PDE3B: variants seen among roughly 807,000 people sequenced by gnomAD.
The protein encoded by PDE3B is cGMP-inhibited 3',5'-cyclic phosphodiesterase 3B.
A neutral mutation model predicts 116.8 loss-of-function variants in PDE3B; 66 were observed. That is an observed-to-expected ratio of 0.56 (90% CI 0.46 to 0.69). The LOEUF is 0.69. PDE3B is among the 30% of genes least tolerant of loss of function. PDE3B has a pLI of 0.00. For synonymous variants in PDE3B, 595 were observed against 533.6 expected (o/e 1.12, Z -1.59); for missense variants, 1,384 against 1,368.1 (o/e 1.01, Z -0.18).
chr11:14,747,175 G>A (rs1429751362), intron 1 of PDE3B, among the ~76,000 whole-genome samples: 1 of 152,152 alleles, frequency 6.6e-6, no homozygotes, highest in Non-Finnish European at 1.5e-5. Context: ...TCACCAAGGG[G>A]ATGATGCTAA....
intron 12 of PDE3B, among the ~76,000 whole-genome samples, chr11:14,845,650 T>C (rs1358206620): frequency 1.3e-5 from 2 of 152,108 alleles, no homozygotes. Flanking sequence ...TTAAAGGAGC[T>C]GATGGAGCTG....
At chr11:14,671,462 A>G (rs745484365) in intron 1 of PDE3B, among the ~76,000 whole-genome samples, 1 of 152,152 alleles carries the variant, frequency 6.6e-6, no homozygotes, top group Admixed American at 6.5e-5. Context: ...AGTGGTAAGA[A>G]CAGTGTGGAT....
the PDE3B span, chr11:14,892,326 C>T: frequency 1.0e-6 from 1 of 955,004 alleles, no homozygotes; most frequent in Non-Finnish European, 1.6e-6. Flanking sequence ...TGGCCATTGG[C>T]TGACTGAGTG....
rs548675032 is a variant in PDE3B at position 14,759,125 on chromosome 11, A to G, written c.979-12812A>G. Among the ~76,000 whole-genome samples, 6 of 152,192 alleles carry G rather than the reference A, an allele frequency of 3.9e-5. No individual in the cohort carries two copies. In the East Asian group the frequency reaches 5.8e-4, roughly 15 times the overall value. ...GCATCCCAGGGATGAAGCCCACTTG[A>G]TCATGGTGGATAAGCTTTTTGATGT... On this transcript the variant is annotated intron_variant, in intron 1 of 15. Transcript: ENST00000282096.
chr11:14,658,557 A>T (rs1270091931), intron 1 of PDE3B, among the ~76,000 whole-genome samples: 1 of 152,162 alleles, frequency 6.6e-6, no homozygotes, highest in Non-Finnish European at 1.5e-5. Context: ...GGGTTTTGCC[A>T]TGTTGGCCAG....
intron 1 of PDE3B, among the ~76,000 whole-genome samples, chr11:14,705,742 T>C (rs72869738): frequency 4.3e-4 from 65 of 151,942 alleles, no homozygotes; most frequent in Non-Finnish European, 7.4e-4. Flanking sequence ...ATGTTTATTG[T>C]TGAATGTGGG....
chr11:14,645,353 G>T (rs991190400), intron 1 of PDE3B, among the ~76,000 whole-genome samples: 1 of 152,178 alleles, frequency 6.6e-6, no homozygotes, highest in African/African-American at 2.4e-5. Context: ...GCAGAAGAAT[G>T]AGGTGAATCA....
At chr11:14,663,929 A>G (rs949612932) in intron 1 of PDE3B, among the ~76,000 whole-genome samples, 2 of 152,202 alleles carry the variant, frequency 1.3e-5, no homozygotes, top group South Asian at 4.1e-4. Context: ...ATAGACATCT[A>G]CAGAACTCTC....
At chr11:14,692,693 G>A (rs1855079235) in intron 1 of PDE3B, among the ~76,000 whole-genome samples, 3 of 152,082 alleles carry the variant, frequency 2.0e-5, no homozygotes, top group Admixed American at 2.0e-4. Context: ...ATAAATGTGT[G>A]GGTTCTGACT....
At chr11:14,702,172 T>G (rs1301820548) in intron 1 of PDE3B, among the ~76,000 whole-genome samples, 2 of 151,814 alleles carry the variant, frequency 1.3e-5, no homozygotes, top group Non-Finnish European at 2.9e-5. Context: ...GTCCGTCTAC[T>G]GAATTATAAA....
At chr11:14,665,640 C>G (rs1233822495) in intron 1 of PDE3B, among the ~76,000 whole-genome samples, 1 of 152,070 alleles carries the variant, frequency 6.6e-6, no homozygotes, top group African/African-American at 2.4e-5. Flanking sequence ...AAACAGAGAG[C>G]CAAATCATGA....
intron 1 of PDE3B, among the ~76,000 whole-genome samples, chr11:14,655,251 A>T (rs1853682433): frequency 6.6e-6 from 1 of 152,196 alleles, no homozygotes; most frequent in Admixed American, 6.5e-5. Flanking sequence ...ATCATTATGT[A>T]ATTATAAAAG....
chr11:14,885,732 TA>T, the PDE3B span: 1 of 1,593,860 alleles, frequency 6.3e-7, no homozygotes, highest in Non-Finnish European at 8.6e-7. Flanking sequence ...GAATGTGATT[TA>T]AAATATCTTA....
At chr11:14,671,768 C>A (rs939108909) in intron 1 of PDE3B, among the ~76,000 whole-genome samples, 1 of 151,804 alleles carries the variant, frequency 6.6e-6, no homozygotes, top group African/African-American at 2.4e-5. Flanking sequence ...TGGCTCATCC[C>A]TGTAATCCTA....
rs1858303487 is a variant in PDE3B, at chr11:14,789,047, A to G, written c.1279-59A>G. 9.9e-6 allele frequency: 12 copies of G among 1,216,552 alleles called. No individual in the cohort carries two copies. In the South Asian group the frequency reaches 1.4e-4, roughly 15 times the overall value. The allele number at this position is 1,216,552 out of a possible 1,614,324, so 75.4% of individuals were successfully genotyped here. A position where few individuals can be genotyped will look rare whatever the true frequency, so the allele number is the denominator to read the frequency against. Reference sequence around the variant, plus strand: ...GATACTTTCATGTGCCATCACTAATATTACATATATAGCATATTAAAGAGT... The same window carrying G: ...GATACTTTCATGTGCCATCACTAATGTTACATATATAGCATATTAAAGAGT... On this transcript the variant is annotated intron_variant, in intron 3 of 15. Coordinates refer to ENST00000282096, the MANE Select transcript of PDE3B (RefSeq NM_000922.4).
At chr11:14,895,018 C>T in the PDE3B span, among the ~76,000 whole-genome samples, 16,031 of 152,212 alleles carry the variant, frequency 0.11, 1,050 homozygotes, top group African/African-American at 0.18. Context: ...TAACAGAGAA[C>T]AGCAATGCTG....
intron 1 of PDE3B, among the ~76,000 whole-genome samples, chr11:14,741,755 C>A (rs1405683008): frequency 6.6e-6 from 1 of 152,070 alleles, no homozygotes; most frequent in African/African-American, 2.4e-5. Context: ...TTTAGTGCTT[C>A]CTTTAGGAGC....
At chr11:14,760,016 G>C (rs1857310926) in intron 1 of PDE3B, among the ~76,000 whole-genome samples, 1 of 152,090 alleles carries the variant, frequency 6.6e-6, no homozygotes, top group African/African-American at 2.4e-5. Flanking sequence ...ACATAATAGA[G>C]ATTCTCAACC....
At chr11:14,815,107 G>A (rs993072485) in intron 5 of PDE3B, among the ~76,000 whole-genome samples, 3 of 151,156 alleles carry the variant, frequency 2.0e-5, no homozygotes, top group African/African-American at 7.3e-5. Flanking sequence ...ACTGTACTCC[G>A]GCCTGGGCGA....
Sources: allele counts gnomAD v4.1 joint callset (sites outside exome capture counted in the v4.1 genomes callset), GRCh38; gene constraint gnomAD v4.1.1; transcripts MANE v1.5; gene names NCBI Gene and HGNC (gene_info 2026-07-23, HGNC 2026-07-21).